The following ZNF391 variants were observed in gnomAD, a reference collection of about 807,000 sequenced individuals.
ZNF391 encodes the protein zinc finger protein 391.
For synonymous variants in ZNF391, 126 were observed against 142.1 expected (o/e 0.89, Z 0.80); for missense variants, 375 against 425.5 (o/e 0.88, Z 1.04).
chr6:27,400,445 A>G lies in ZNF391; in HGVS notation c.75A>G (p.Ser25=), dbSNP rs896638108. 5 of 1,614,024 alleles carry G rather than the reference A, an allele frequency of 3.1e-6. No homozygotes were observed. In the African/African-American group the frequency reaches 5.3e-5, roughly 17 times the overall value. The change falls in exon 3 of 3, where the codon TCA becomes TCG. Residue 25 remains serine (S), a synonymous_variant. Transcript: ENST00000244576. ...EEDYKNEGQL[S]RQTKCPAQKK... ...ACTATAAAAACGAAGGCCAATTATC[A>G]AGGCAAACAAAATGTCCTGCACAGA... is the stretch of plus-strand genomic sequence containing the variant.
chr6:27,395,945 T>C (rs974173918), intron 1 of ZNF391, among the ~76,000 whole-genome samples: 3 of 152,180 alleles, frequency 2.0e-5, no homozygotes, highest in Non-Finnish European at 2.9e-5. Flanking sequence ...CTTATGGCAG[T>C]ATGGGTATTC....
At chr6:27,389,324 C>T (rs1185872678) in intron 1 of ZNF391, 1 of 454,762 alleles carries the variant, frequency 2.2e-6, no homozygotes, top group Non-Finnish European at 4.4e-6. Flanking sequence ...AGCAGGGTTG[C>T]TCCCTGCTTC....
Position 27,388,931 on chromosome 6 carries a change from G to C in ZNF391, c.-332G>C, listed in dbSNP as rs550756047. ...ATGGGCGTTGGAGCAGCGGTTCGAC[G>C]CATGGGTTTCTCTTTAATCCTTCCG... On this transcript the variant is annotated 5_prime_UTR_variant, in exon 1 of 3. Coordinates refer to ENST00000244576, the MANE Select transcript of ZNF391 (RefSeq NM_001076781.3). 20 of 456,306 alleles carry C rather than the reference G, an allele frequency of 4.4e-5. 2 individuals are homozygous for C. The highest frequency in any genetic ancestry group is 2.9e-4 in the South Asian group (19 of 64,506). The allele number at this position is 456,306 out of a possible 1,614,324, so 28.3% of individuals were successfully genotyped here.
At chr6:27,395,153 T>C (rs1345129693) in intron 1 of ZNF391, 1 of 151,874 alleles carries the variant, frequency 6.6e-6, no homozygotes, top group Non-Finnish European at 1.5e-5. Flanking sequence ...TATTTTGCAA[T>C]GTGAGGACTT....
chr6:27,380,498 C>T (rs1007102512), intron 1 of ZNF391, among the ~76,000 whole-genome samples: 3 of 90,318 alleles, frequency 3.3e-5, no homozygotes, highest in Non-Finnish European at 7.6e-5. Flanking sequence ...AGTATGGACC[C>T]AAAGAGTGAG....
chr6:27,398,951 T>C (rs1271973429), intron 1 of ZNF391, among the ~76,000 whole-genome samples: 1 of 152,168 alleles, frequency 6.6e-6, no homozygotes, highest in East Asian at 1.9e-4. Flanking sequence ...AGCCCCTCTG[T>C]AGAGAGAAGG....
chr6:27,402,032 CAG>C lies in ZNF391; in HGVS notation c.*587_*588del, dbSNP rs1218233313. ...AATTCATTCTCTTGACTTGCAAAAA[CAG>C]ATTTTTCTCATCTTCCTCCTTCTCT... On this transcript the variant is annotated 3_prime_UTR_variant, in exon 3 of 3. Coordinates refer to ENST00000244576, the MANE Select transcript of ZNF391 (RefSeq NM_001076781.3). The C allele has an allele frequency of 2.0e-5, 3 of 152,184 alleles. No individual in the cohort carries two copies. Among genetic ancestry groups the C allele is most frequent in the Non-Finnish European group, 4.4e-5 (3 of 68,034 alleles). The allele number at this position is 152,184 out of a possible 1,614,324, so 9.4% of individuals were successfully genotyped here. A position where few individuals can be genotyped will look rare whatever the true frequency, so the allele number is the denominator to read the frequency against.
chr6:27,379,622 CA>C (rs761655120), intron 1 of ZNF391, among the ~76,000 whole-genome samples: 1 of 149,500 alleles, frequency 6.7e-6, no homozygotes, highest in Non-Finnish European at 1.5e-5. Flanking sequence ...GACCCCCCCC[CA>C]TACTTTTGTG....
rs1761989470 is a variant in ZNF391 at position 27,402,260 on chromosome 6, G to C, written c.*813G>C. 1.3e-5 allele frequency: 2 copies of C among 152,040 alleles called. No individual in the cohort carries two copies. The highest frequency in any genetic ancestry group is 4.8e-5 in the African/African-American group (2 of 41,406). The allele number at this position is 152,040 out of a possible 1,614,324, so 9.4% of individuals were successfully genotyped here. A position where few individuals can be genotyped will look rare whatever the true frequency, so the allele number is the denominator to read the frequency against. ...TGTTTTTAATTTTCTTTCATTTACA[G>C]ATTTCATGAAACTTATATTCTGTGG... On this transcript the variant is annotated 3_prime_UTR_variant, in exon 3 of 3. Coordinates refer to ENST00000244576, the MANE Select transcript of ZNF391 (RefSeq NM_001076781.3).
intron 1 of ZNF391, among the ~76,000 whole-genome samples, chr6:27,395,788 TCTTC>T (rs1482021694): frequency 5.3e-5 from 8 of 152,236 alleles, no homozygotes; most frequent in Admixed American, 3.9e-4. Flanking sequence ...GTTGCAAAAA[TCTTC>T]AAATTTTGGA....
At chr6:27,384,463 CAAA>C (rs149396774), upstream of ZNF391, among the ~76,000 whole-genome samples, 169 of 121,416 alleles carry the variant, frequency 1.4e-3, no homozygotes, top group African/African-American at 4.9e-3. Context: ...GACTCTATCT[CAAA>C]AAAAAAAAAA....
At chr6:27,380,789 G>A (rs1761488827) in intron 1 of ZNF391, among the ~76,000 whole-genome samples, 1 of 150,198 alleles carries the variant, frequency 6.7e-6, no homozygotes, top group Non-Finnish European at 1.5e-5. Flanking sequence ...GATACAGAGG[G>A]TTGACACAAA....
upstream of ZNF391, among the ~76,000 whole-genome samples, chr6:27,387,545 ATTAT>A (rs1340827463): frequency 6.6e-6 from 1 of 152,256 alleles, no homozygotes; most frequent in Non-Finnish European, 1.5e-5. Context: ...ACGAAGGAAT[ATTAT>A]TTAGCCATTA....
At chr6:27,382,074 T>A (rs1223642989) in intron 1 of ZNF391, among the ~76,000 whole-genome samples, 1 of 139,582 alleles carries the variant, frequency 7.2e-6, no homozygotes, top group Non-Finnish European at 1.5e-5. Context: ...GGCTCACGCC[T>A]GTAATCCCAG....
intron 1 of ZNF391, among the ~76,000 whole-genome samples, chr6:27,395,573 C>T (rs1023323685): frequency 6.6e-6 from 1 of 152,050 alleles, no homozygotes; most frequent in African/African-American, 2.4e-5. Context: ...CAAGAACAGC[C>T]TAATACATAG....
At chr6:27,378,930 T>TA (rs33923217) in intron 1 of ZNF391, among the ~76,000 whole-genome samples, 30 of 147,730 alleles carry the variant, frequency 2.0e-4, no homozygotes, top group East Asian at 4.0e-4. Flanking sequence ...ACTCTGTCTC[T>TA]AAAAAAAAAA....
At chr6:27,398,064 T>C (rs1761867765) in intron 1 of ZNF391, among the ~76,000 whole-genome samples, 1 of 152,210 alleles carries the variant, frequency 6.6e-6, no homozygotes, top group Admixed American at 6.5e-5. Flanking sequence ...GACAGCATCA[T>C]CCTGTTACTT....
chr6:27,395,450 G>T (rs1215113102), intron 1 of ZNF391, among the ~76,000 whole-genome samples: 1 of 152,058 alleles, frequency 6.6e-6, no homozygotes, highest in African/African-American at 2.4e-5. Context: ...CTCCCTGAAG[G>T]CTCACCAGAA....
intron 1 of ZNF391, among the ~76,000 whole-genome samples, chr6:27,397,438 A>AT (rs1034512355): frequency 1.3e-5 from 2 of 151,962 alleles, no homozygotes; most frequent in Non-Finnish European, 2.9e-5. Flanking sequence ...TGGGAATCAC[A>AT]TTTTTTTCTT....
Sources: allele counts gnomAD v4.1 joint callset (sites outside exome capture counted in the v4.1 genomes callset), GRCh38; gene constraint gnomAD v4.1.1; transcripts MANE v1.5; gene names NCBI Gene and HGNC (gene_info 2026-07-23, HGNC 2026-07-21).